Variants in ANKRD36C observed in about 807,000 individuals in gnomAD.
ANKRD36C encodes ankyrin repeat domain 36C, also known as ankyrin repeat domain-containing protein 36C.
In ANKRD36C, 61 loss-of-function variants were observed where a neutral mutation model predicts 276.4. That is an observed-to-expected ratio of 0.22 (90% CI 0.18 to 0.27). ANKRD36C has a LOEUF of 0.27. ANKRD36C is among the 10% of genes least tolerant of loss of function. The pLI is 1.00. For synonymous variants in ANKRD36C, 483 were observed against 680.1 expected (o/e 0.71, Z 4.51); for missense variants, 1,447 against 2,032.3 (o/e 0.71, Z 5.54).
intron 28 of ANKRD36C, 126 bp from the exon 29 acceptor site, chr2:95,925,673 A>G (rs1677385239): frequency 2.7e-6 from 3 of 1,098,648 alleles, no homozygotes; most frequent in Non-Finnish European, 2.5e-6. Flanking sequence ...GATGTTTTAC[A>G]GTTTGTGTCT....
intron 42 of ANKRD36C, among the ~76,000 whole-genome samples, chr2:95,910,777 C>G (rs1558635855): frequency 1.3e-5 from 2 of 151,534 alleles, no homozygotes; most frequent in Non-Finnish European, 1.5e-5. Flanking sequence ...CTTACAATTT[C>G]AAACACGGTA....
chr2:95,934,456 GAC>G (rs1677657955), intron 24 of ANKRD36C, among the ~76,000 whole-genome samples: 1 of 151,988 alleles, frequency 6.6e-6, no homozygotes, highest in Non-Finnish European at 1.5e-5. Flanking sequence ...CCTTTGCAAA[GAC>G]ACGGATGAAG....
chr2:95,869,224 A>G (rs1357490867), intron 59 of ANKRD36C, among the ~76,000 whole-genome samples: 1 of 152,190 alleles, frequency 6.6e-6, no homozygotes, highest in African/African-American at 2.4e-5. Context: ...ATTGTAACTA[A>G]GAAGTGAAAA....
chr2:95,866,817 T>A (rs1675691140), intron 60 of ANKRD36C, among the ~76,000 whole-genome samples: 1 of 152,108 alleles, frequency 6.6e-6, no homozygotes, highest in African/African-American at 2.4e-5. Flanking sequence ...CACATGTGTA[T>A]ACATCTGTTA....
intron 52 of ANKRD36C, among the ~76,000 whole-genome samples, 160 bp downstream of exon 72, chr2:95,885,888 A>G (rs1391827724): frequency 6.6e-6 from 1 of 151,826 alleles, no homozygotes; most frequent in Non-Finnish European, 1.5e-5. Flanking sequence ...GTCAAGGACC[A>G]GCACCATCAG....
chr2:95,966,674 A>T (rs1307321814), intron 6 of ANKRD36C, among the ~76,000 whole-genome samples: 1 of 152,110 alleles, frequency 6.6e-6, no homozygotes, highest in Non-Finnish European at 1.5e-5. Context: ...TATGAAATTT[A>T]AAGTAGTTTT....
At chr2:95,921,508 G>T in intron 34 of ANKRD36C, 99 bp downstream of exon 34, 1 of 1,479,304 alleles carries the variant, frequency 6.8e-7, no homozygotes, top group Non-Finnish European at 9.1e-7. Context: ...GTGCAGCTTC[G>T]GCGAGCCCCC....
chr2:95,951,503 T>G, intron 14 of ANKRD36C, 95 bp from the exon 15 acceptor site: 3 of 965,278 alleles, frequency 3.1e-6, no homozygotes, highest in Non-Finnish European at 4.6e-6. Context: ...AGGAAAAGTA[T>G]GGACATTGAA....
chr2:95,919,358 T>C lies in ANKRD36C; in HGVS notation c.2246-1316A>G, dbSNP rs111703625. On this transcript the variant is annotated intron_variant, in intron 34 of 66. Transcript: ENST00000456556. Reference sequence around the variant, plus strand: ...TTAATATCAGTTTTCTGTCTTTTCTTAGCAGTACGATGTGACGTCTGTAAA... The same window carrying C: ...TTAATATCAGTTTTCTGTCTTTTCTCAGCAGTACGATGTGACGTCTGTAAA... Among the ~76,000 whole-genome samples, 1,168 of 133,638 alleles carry C rather than the reference T, an allele frequency of 8.7e-3. 243 individuals are homozygous for C. Among genetic ancestry groups the C allele is most frequent in the Middle Eastern group, 0.021 (6 of 290 alleles). 87.7% of individuals were successfully genotyped at this position (133,638 alleles called of 152,430 possible).
At chr2:95,975,883 C>A (rs1233928950) in intron 6 of ANKRD36C, among the ~76,000 whole-genome samples, 1 of 152,056 alleles carries the variant, frequency 6.6e-6, no homozygotes, top group Non-Finnish European at 1.5e-5. Flanking sequence ...ACTCATCTGA[C>A]AAAGGGCTAA....
intron 44 of ANKRD36C, among the ~76,000 whole-genome samples, chr2:95,897,804 G>T (rs1676598986): frequency 6.8e-6 from 1 of 146,540 alleles, no homozygotes; most frequent in South Asian, 2.1e-4. Flanking sequence ...GAGAATCAAT[G>T]TCAAAGCAGG....
intron 58 of ANKRD36C, among the ~76,000 whole-genome samples, chr2:95,876,853 C>CAAA (rs61043155): frequency 2.5e-4 from 21 of 84,086 alleles, no homozygotes; most frequent in East Asian, 1.7e-3. Flanking sequence ...GACTGTGTCT[C>CAAA]AAAAAAAAAA....
intron 44 of ANKRD36C, among the ~76,000 whole-genome samples, chr2:95,894,034 G>A (rs1362898379): frequency 6.6e-6 from 1 of 151,494 alleles, no homozygotes; most frequent in Non-Finnish European, 1.5e-5. Flanking sequence ...TCTAAAATCA[G>A]AGGAGCAACT....
intron 44 of ANKRD36C, chr2:95,893,700 A>C (rs1285542355): frequency 1.2e-6 from 2 of 1,605,720 alleles, no homozygotes. Context: ...CATTACCTTC[A>C]AGGCTGGTGG....
chr2:95,903,614 G>GAT (rs1456071020), intron 42 of ANKRD36C, among the ~76,000 whole-genome samples: 1 of 150,970 alleles, frequency 6.6e-6, no homozygotes, highest in Non-Finnish European at 1.5e-5. Context: ...AATCACCTTG[G>GAT]ATATCTGTTT....
intron 34 of ANKRD36C, among the ~76,000 whole-genome samples, chr2:95,920,255 C>A (rs1487978438): frequency 7.5e-6 from 1 of 132,788 alleles, no homozygotes; most frequent in Non-Finnish European, 1.7e-5. Context: ...ACGTGAGAAT[C>A]AATGTCAAAG....
intron 34 of ANKRD36C, among the ~76,000 whole-genome samples, chr2:95,918,645 C>T (rs1037668627): frequency 4.6e-5 from 7 of 151,608 alleles, no homozygotes; most frequent in Non-Finnish European, 7.4e-5. Flanking sequence ...AATAATTTGC[C>T]TAAGTTTCTT....
chr2:95,890,016 T>C, intron 46 of ANKRD36C, 22 bp from the exon 67 acceptor site: 1 of 1,605,582 alleles, frequency 6.2e-7, no homozygotes, highest in Non-Finnish European at 8.5e-7. Flanking sequence ...AAAGGATACA[T>C]AATCACTCAT....
chr2:95,943,148 T>A (rs1344013082), intron 19 of ANKRD36C, among the ~76,000 whole-genome samples: 16 of 148,256 alleles, frequency 1.1e-4, no homozygotes, highest in African/African-American at 1.2e-4. Flanking sequence ...AAAATATATT[T>A]TTTCTCATTC....
Sources: gnomAD v4.1 joint callset for allele counts (sites outside exome capture counted in the v4.1 genomes callset) on GRCh38, gnomAD v4.1.1 for gene constraint, MANE v1.5 for transcripts, NCBI Gene and HGNC (gene_info 2026-07-23, HGNC 2026-07-21) for gene names.